The following DCC variants were observed in gnomAD, a reference collection of about 807,000 sequenced individuals.
The protein encoded by DCC is DCC netrin 1 receptor, also known as netrin receptor DCC.
DCC carries 58 observed loss-of-function variants against 172.5 expected under a neutral mutation model. The observed-to-expected ratio is 0.34, with a 90% confidence interval of 0.27 to 0.42. The LOEUF (loss-of-function observed/expected upper bound fraction) is 0.42, where lower values mean the gene tolerates loss of function less well. DCC is among the 10% of genes least tolerant of loss of function. The probability of loss-of-function intolerance (pLI) is 1.00; values close to 1 mark genes in which losing one functional copy is unlikely to be tolerated. For missense variants in DCC, 1,740 were observed against 1,791.0 expected, an observed-to-expected ratio of 0.97 and a Z score of 0.51; for synonymous variants, 709 against 644.5, an observed-to-expected ratio of 1.10 and a Z score of -1.52.
intron 5 of DCC, among the ~76,000 whole-genome samples, chr18:53,030,985 G>A (rs1416328363): frequency 1.3e-5 from 2 of 152,156 alleles, no homozygotes; most frequent in Non-Finnish European, 2.9e-5. Flanking sequence ...CTGGCTGGGT[G>A]GGGTGGCTCA....
At chr18:52,476,674 A>G (rs1989103775) in intron 1 of DCC, among the ~76,000 whole-genome samples, 1 of 152,142 alleles carries the variant, frequency 6.6e-6, no homozygotes, top group African/African-American at 2.4e-5. Flanking sequence ...GGTTCTAAGG[A>G]GCTGTGTATG....
chr18:53,429,583 T>C (rs1911474287), intron 21 of DCC, among the ~76,000 whole-genome samples: 1 of 152,076 alleles, frequency 6.6e-6, no homozygotes, highest in African/African-American at 2.4e-5. Context: ...ATTGCAAAAA[T>C]ACTACTACTT....
At chr18:52,807,643 A>C (rs1331736370) in intron 2 of DCC, among the ~76,000 whole-genome samples, 1 of 151,568 alleles carries the variant, frequency 6.6e-6, no homozygotes, top group African/African-American at 2.4e-5. Flanking sequence ...ATCAGTCTGA[A>C]ATAAATATCA....
At chr18:52,892,039 C>G (rs1156625786) in intron 2 of DCC, among the ~76,000 whole-genome samples, 1 of 152,128 alleles carries the variant, frequency 6.6e-6, no homozygotes, top group Non-Finnish European at 1.5e-5. Flanking sequence ...TGGATGACAT[C>G]TGAATTATCC....
intron 7 of DCC, among the ~76,000 whole-genome samples, chr18:53,087,984 C>T (rs2042941172): frequency 6.6e-6 from 1 of 152,086 alleles, no homozygotes; most frequent in African/African-American, 2.4e-5. Context: ...GTACCAGTAC[C>T]ATGCTGTTTT....
intron 3 of DCC, 51 bp from the exon 4 acceptor site, chr18:52,923,656 T>A: frequency 7.3e-7 from 1 of 1,370,434 alleles, no homozygotes; most frequent in Non-Finnish European, 1.0e-6. Context: ...ATATCATTTA[T>A]CTTTGCAATG....
intron 1 of DCC, among the ~76,000 whole-genome samples, chr18:52,383,531 C>T (rs369358144): frequency 6.6e-6 from 1 of 151,930 alleles, no homozygotes; most frequent in East Asian, 1.9e-4. Flanking sequence ...TGTTTATATA[C>T]ATTAAGTGTA....
chr18:53,413,410 GA>G (rs1176308932), intron 20 of DCC, among the ~76,000 whole-genome samples: 3 of 152,042 alleles, frequency 2.0e-5, no homozygotes, highest in African/African-American at 7.2e-5. Context: ...ACATATGATA[GA>G]AAAAAATCAA....
chr18:53,377,918 T>G (rs1233391118), intron 15 of DCC, among the ~76,000 whole-genome samples: 2 of 152,216 alleles, frequency 1.3e-5, no homozygotes, highest in Non-Finnish European at 2.9e-5. Flanking sequence ...TCACAGAGAA[T>G]GCTCTCTGAT....
At chr18:52,641,717 T>C (rs1466932264) in intron 1 of DCC, among the ~76,000 whole-genome samples, 1 of 151,326 alleles carries the variant, frequency 6.6e-6, no homozygotes, top group Non-Finnish European at 1.5e-5. Context: ...AAAAAAACAG[T>C]AGATGGTGGT....
At chr18:53,521,059 C>G (rs1057283892) in intron 27 of DCC, among the ~76,000 whole-genome samples, 2 of 152,012 alleles carry the variant, frequency 1.3e-5, no homozygotes, top group African/African-American at 4.8e-5. Flanking sequence ...GAAGGTCATT[C>G]GATGAGCTCC....
intron 12 of DCC, among the ~76,000 whole-genome samples, chr18:53,250,865 A>T (rs1180516493): frequency 6.6e-6 from 1 of 151,836 alleles, no homozygotes; most frequent in Non-Finnish European, 1.5e-5. Context: ...CTGAAACCCT[A>T]CTATCTGGCT....
At chr18:52,958,802 T>G (rs919022562) in intron 5 of DCC, among the ~76,000 whole-genome samples, 15 of 152,074 alleles carry the variant, frequency 9.9e-5, no homozygotes, top group African/African-American at 3.4e-4. Flanking sequence ...ATGAGTTCAT[T>G]TGTGGATACT....
intron 21 of DCC, among the ~76,000 whole-genome samples, chr18:53,428,355 G>A (rs901197247): frequency 0.26 from 12,168 of 47,452 alleles, 2,497 homozygotes; most frequent in Non-Finnish European, 0.38. Context: ...TATAATATAT[G>A]TTGTATATAA....
At chr18:52,526,725 T>G (rs545952521) in intron 1 of DCC, among the ~76,000 whole-genome samples, 1 of 152,260 alleles carries the variant, frequency 6.6e-6, no homozygotes, top group Admixed American at 6.5e-5. Context: ...GCTGAATAAC[T>G]ACAGAAGGAC....
At position 52,769,915 on chromosome 18, in the gene DCC, T is replaced by A. The variant is rs181321685; in HGVS notation, c.412+17541T>A. Among the ~76,000 whole-genome samples, 118 of 152,346 alleles carry A rather than the reference T, an allele frequency of 7.7e-4. 1 individual carries two copies. The highest frequency in any genetic ancestry group is 2.6e-3 in the African/African-American group (108 of 41,592). ...GGCTATATTTTCAAAACATTTTTAG[T>A]GTGTTTATTTCTTTCCATGTCTATT... On this transcript the variant is annotated intron_variant, in intron 2 of 28. Coordinates refer to ENST00000442544, the MANE Select transcript of DCC (RefSeq NM_005215.4).
intron 2 of DCC, among the ~76,000 whole-genome samples, chr18:52,825,938 A>C (rs191442534): frequency 6.6e-6 from 1 of 152,230 alleles, no homozygotes; most frequent in Admixed American, 6.5e-5. Context: ...GAGGGGGGGA[A>C]AAACAGCAGA....
intron 1 of DCC, among the ~76,000 whole-genome samples, chr18:52,664,368 T>TA (rs1391827307): frequency 6.6e-6 from 1 of 151,948 alleles, no homozygotes; most frequent in African/African-American, 2.4e-5. Context: ...TACATTTTTT[T>TA]AAAACTCAAG....
intron 11 of DCC, among the ~76,000 whole-genome samples, chr18:53,213,987 G>A (rs535325524): frequency 6.2e-4 from 94 of 151,556 alleles, no homozygotes; most frequent in African/African-American, 2.1e-3. Context: ...TATTTATTCA[G>A]CAACTATTTA....
Sources: allele counts gnomAD v4.1 joint callset (sites outside exome capture counted in the v4.1 genomes callset), GRCh38; gene constraint gnomAD v4.1.1; transcripts MANE v1.5; gene names NCBI Gene and HGNC (gene_info 2026-07-23, HGNC 2026-07-21).